USP36: variants seen among roughly 807,000 people sequenced by gnomAD.
USP36 encodes the protein ubiquitin specific peptidase 36.
A neutral mutation model predicts 111.5 loss-of-function variants in USP36; 59 were observed. The observed-to-expected ratio is 0.53, with a 90% CI of 0.43 to 0.66. The LOEUF is 0.66. Among genes scored for constraint, USP36 ranks in the 30% least tolerant of loss-of-function variants. USP36 has a pLI of 0.00. For synonymous variants in USP36, 628 were observed against 581.0 expected, an observed-to-expected ratio of 1.08 and a Z score of -1.16; for missense variants, 1,488 against 1,468.0, an observed-to-expected ratio of 1.01 and a Z score of -0.22.
chr17:78,809,708 T>C (rs998999252), intron 13 of USP36, among the ~76,000 whole-genome samples: 7 of 152,110 alleles, frequency 4.6e-5, no homozygotes, highest in African/African-American at 1.7e-4. Context: ...GATAGCTCAA[T>C]GCAGCCTTGT....
At chr17:78,813,061 A>T in intron 12 of USP36, 60 bp from the exon 13 acceptor site, 1 of 1,603,776 alleles carries the variant, frequency 6.2e-7, no homozygotes. Context: ...AAACGGAGAG[A>T]ATTAGAATAA....
At chr17:78,816,008 CACACACATAT>C (rs1438175482) in intron 10 of USP36, among the ~76,000 whole-genome samples, 2 of 152,140 alleles carry the variant, frequency 1.3e-5, no homozygotes, top group African/African-American at 2.4e-5. Flanking sequence ...TACATACATG[CACACACATAT>C]ATTCTTAGCA....
intron 5 of USP36, 75 bp from the exon 6 acceptor site, chr17:78,827,422 G>T: frequency 1.4e-6 from 2 of 1,416,392 alleles, no homozygotes; most frequent in Non-Finnish European, 1.9e-6. Context: ...TTCCTGAATG[G>T]CCATTCCTGG....
intron 10 of USP36, among the ~76,000 whole-genome samples, chr17:78,817,026 G>A (rs548169424): frequency 1.3e-5 from 2 of 152,336 alleles, no homozygotes; most frequent in African/African-American, 4.8e-5. Flanking sequence ...GTCAATGACA[G>A]ACCACATATA....
In USP36 at chr17:78,835,362, G is replaced by A. The variant is rs751483793; in HGVS notation, c.393C>T (p.Cys131=). The change falls in exon 4 of 21, where the codon TGC becomes TGT. Residue 131 remains cysteine, a synonymous_variant. Coordinates refer to ENST00000449938, the MANE Select transcript of USP36 (RefSeq NM_001385174.1). ...AGCACTGGATGGTGGCATTGAGAAA[G>A]CAGGTGTTGCCAAGGTTGTGGAGTC... The part of the protein sequence containing the change: ...GAGLHNLGNT[C]FLNATIQCLT... The A allele has an allele frequency of 1.2e-6, 2 of 1,614,264 alleles. No individual in the cohort carries two copies. Among genetic ancestry groups the A allele is most frequent in the Admixed American group, 1.7e-5 (1 of 60,030 alleles).
chr17:78,803,781 G>T lies in USP36; in HGVS notation c.2414C>A (p.Pro805His). The change falls in exon 16 of 21, where the codon CCC (proline) becomes CAC (histidine). Residue 805 changes from proline (P) to histidine (H), a missense_variant. Coordinates refer to ENST00000449938, the MANE Select transcript of USP36 (RefSeq NM_001385174.1). The surrounding 1 kb of genome is among the most constrained non-coding windows in gnomAD (Gnocchi z 4.6). ...PHQLPEASEPPQSPSEKRKKT... is the reference protein window; with the variant it reads ...PHQLPEASEPHQSPSEKRKKT... ...TTTCCTCTTCTCAGAGGGGCTCTGG[G>T]GGGGCTCACTGGCCTCTGGCAACTG... The T allele has an allele frequency of 1.9e-6, 3 of 1,612,848 alleles. No homozygotes were observed. The highest frequency in any genetic ancestry group is 1.7e-6 in the Non-Finnish European group (2 of 1,179,982).
intron 3 of USP36, among the ~76,000 whole-genome samples, chr17:78,788,854 G>C (rs1382275121): frequency 6.6e-6 from 1 of 152,112 alleles, no homozygotes; most frequent in East Asian, 1.9e-4. Flanking sequence ...CAGAGGTGGG[G>C]ACGGGAGGGA....
chr17:78,793,989 C>T (rs956241710), downstream of USP36, among the ~76,000 whole-genome samples: 11 of 152,142 alleles, frequency 7.2e-5, no homozygotes, highest in Non-Finnish European at 2.9e-5. Flanking sequence ...ATCGGTGAGC[C>T]GCTTGCTTCC....
intron 4 of USP36, among the ~76,000 whole-genome samples, chr17:78,834,181 A>C (rs1357893265): frequency 6.6e-6 from 1 of 150,894 alleles, no homozygotes; most frequent in African/African-American, 2.4e-5. Context: ...CAGGAGGCGG[A>C]GGTTGCAGTG....
At chr17:78,825,355 C>A (rs1410057768) in intron 6 of USP36, among the ~76,000 whole-genome samples, 1 of 152,192 alleles carries the variant, frequency 6.6e-6, no homozygotes, top group Non-Finnish European at 1.5e-5. Flanking sequence ...GCCCCTCCAC[C>A]TGCAAATTAA....
rs753790028 is a variant in USP36 at position 78,803,773 on chromosome 17, G to A, written c.2422C>T (p.Pro808Ser). ...LPEASEPPQS[P>S]SEKRKKTFVG... ...AAGGTCTTTTTCCTCTTCTCAGAGGGGCTCTGGGGGGGCTCACTGGCCTCT... is the reference window on the plus strand; with the variant it reads ...AAGGTCTTTTTCCTCTTCTCAGAGGAGCTCTGGGGGGGCTCACTGGCCTCT... Residue 808 changes from proline to serine, a missense_variant, in exon 16 of 21, where the codon CCC becomes TCC. Physicochemically the swap from Pro to Ser is moderately conservative, Grantham distance 74. Coordinates refer to ENST00000449938, the MANE Select transcript of USP36 (RefSeq NM_001385174.1). This position sits in a 1 kb window ranked among gnomAD's most constrained non-coding sequence, Gnocchi z 4.6. 1.2e-5 allele frequency: 20 copies of A among 1,612,686 alleles called. No individual in the cohort carries two copies. The South Asian group carries it at 1.4e-4, about 12-fold the overall frequency.
rs375015532 is a variant in USP36, at chr17:78,798,151, C to T, written c.*20+249G>A. The T allele has an allele frequency of 9.7e-6, 5 of 514,816 alleles. No individual in the cohort carries two copies. The highest frequency in any genetic ancestry group is 7.9e-5 in the African/African-American group (4 of 50,564). The allele number at this position is 514,816 out of a possible 1,614,324, so 31.9% of individuals were successfully genotyped here. On this transcript the variant is annotated intron_variant, in intron 20 of 20. Transcript: ENST00000449938. The surrounding 1 kb of genome is among the most constrained non-coding windows in gnomAD (Gnocchi z 5.1). ...CACCCCACACCCAACACACACTACA[C>T]ACACCCCCTTATACACACGCATCCC...
At chr17:78,834,996 T>C (rs2068514024) in intron 4 of USP36, among the ~76,000 whole-genome samples, 1 of 75,576 alleles carries the variant, frequency 1.3e-5, no homozygotes, top group Admixed American at 1.6e-4. Flanking sequence ...AAATAATATT[T>C]GTATATATAT....
rs191842351 is a variant in USP36, at chr17:78,801,730, C to A, written c.3022+594G>T. 2.6e-5 allele frequency among the ~76,000 whole-genome samples: 4 copies of A among 152,346 alleles called. No homozygotes were observed. The East Asian group carries it at 5.8e-4, about 22-fold the overall frequency. On this transcript the variant is annotated intron_variant, in intron 17 of 20. Coordinates refer to ENST00000449938, the MANE Select transcript of USP36 (RefSeq NM_001385174.1). Reference sequence around the variant, plus strand: ...GAGGAGGATTCACTTTTGAACCCAACTCTTCTAAATTCAACCATCACAGAA... The same window carrying A: ...GAGGAGGATTCACTTTTGAACCCAAATCTTCTAAATTCAACCATCACAGAA...
At chr17:78,816,625 CA>C (rs1227073983) in intron 10 of USP36, among the ~76,000 whole-genome samples, 20 of 136,106 alleles carry the variant, frequency 1.5e-4, no homozygotes, top group South Asian at 2.4e-4. Context: ...GACTCCGTCT[CA>C]AAAAAAAAAA....
Position 78,798,457 on chromosome 17 carries a change from T to C in USP36, c.3335A>G (p.His1112Arg). Residue 1112 changes from histidine to arginine, a missense_variant, in exon 20 of 21, where the codon CAC becomes CGC. Around this residue, in one of 3 missense-constraint regions of USP36, gnomAD observed 1,073 missense variants for 994.1 expected, o/e 1.08. Transcript: ENST00000449938. The surrounding 1 kb of genome is among the most constrained non-coding windows in gnomAD (Gnocchi z 5.1). The part of the protein sequence containing the change: ...QTRRNFWSVT[H>R]PAKAASLSYR... The stretch of plus-strand genomic sequence containing the variant: ...GCTGAGGCTGGCAGCCTTTGCTGGG[T>C]GAGTCACAGACCAGAAGTTCCGTCG... 6.2e-7 allele frequency: 1 copy of C among 1,614,162 alleles called. No individual in the cohort carries two copies. The highest frequency in any genetic ancestry group is 8.5e-7 in the Non-Finnish European group (1 of 1,180,024).
At chr17:78,790,213 C>G (rs1050596042) in intron 3 of USP36, among the ~76,000 whole-genome samples, 3 of 152,134 alleles carry the variant, frequency 2.0e-5, no homozygotes, top group African/African-American at 7.2e-5. Context: ...CTCAGCCTCC[C>G]TGAATAGCTG....
rs146794733 is a variant in USP36 at position 78,832,122 on chromosome 17, G to A, written c.476-3115C>T. On this transcript the variant is annotated intron_variant, in intron 4 of 20. Transcript: ENST00000449938. Reference sequence around the variant, plus strand: ...CTCAAAAGTCAATCCATGACTACACGGACATAGAGAGATTTGGGAAACAAA... The same window carrying A: ...CTCAAAAGTCAATCCATGACTACACAGACATAGAGAGATTTGGGAAACAAA... 1.4e-4 allele frequency among the ~76,000 whole-genome samples: 22 copies of A among 152,180 alleles called. No homozygotes were observed. The East Asian group carries it at 3.3e-3, about 23-fold the overall frequency.
chr17:78,831,009 G>A (rs139437943), intron 4 of USP36, among the ~76,000 whole-genome samples: 6 of 151,518 alleles, frequency 4.0e-5, no homozygotes, highest in East Asian at 2.0e-4. Context: ...GGTGGATCGC[G>A]AGGTCAGGAG....
Sources: gnomAD v4.1 joint callset for allele counts (sites outside exome capture counted in the v4.1 genomes callset) on GRCh38, gnomAD v4.1.1 for gene constraint, gnomAD v4.1.1 regional missense constraint, Gnocchi (gnomAD v3.1) non-coding constraint, MANE v1.5 for transcripts, NCBI Gene and HGNC (gene_info 2026-07-23, HGNC 2026-07-21) for gene names.